The following RIMBP2 variants were observed in gnomAD, a reference collection of about 807,000 sequenced individuals.
RIMBP2 encodes RIMS binding protein 2.
RIMBP2 carries 48 observed loss-of-function variants against 118.6 expected under a neutral mutation model. The observed-to-expected ratio is 0.40, with a 90% confidence interval of 0.32 to 0.51. The LOEUF (loss-of-function observed/expected upper bound fraction) is 0.51, where lower values mean the gene tolerates loss of function less well. Among genes scored for constraint, RIMBP2 ranks in the 20% least tolerant of loss-of-function variants. RIMBP2 has a pLI of 0.41. For synonymous variants in RIMBP2, 762 were observed against 742.9 expected (o/e 1.03, Z -0.42); for missense variants, 1,551 against 1,768.3 (o/e 0.88, Z 2.20).
chr12:130,472,442 G>C (rs554530823), intron 5 of RIMBP2: 5 of 152,188 alleles, frequency 3.3e-5, no homozygotes, highest in Non-Finnish European at 7.3e-5. Flanking sequence ...AACATTCCCC[G>C]TGGAGCAGGA....
chr12:130,479,953 G>A (rs190412028), intron 4 of RIMBP2, among the ~76,000 whole-genome samples: 6 of 151,814 alleles, frequency 4.0e-5, no homozygotes, highest in Non-Finnish European at 8.8e-5. Context: ...TCACCACTGG[G>A]ACCCTGACAG....
rs536804065 is a variant in RIMBP2, at chr12:130,447,964, A to AC, written c.581+2235dup. On this transcript the variant is annotated intron_variant, in intron 9 of 22. Coordinates refer to ENST00000690449, the MANE Select transcript of RIMBP2 (RefSeq NM_001393629.1). This position sits in a 1 kb window ranked among gnomAD's most constrained non-coding sequence, Gnocchi z 4.4. ...GACAGCAAGAGGAGACACTGATTAG[A>AC]CCCGGGGCAGAAAACATAACCCCCT... Among the ~76,000 whole-genome samples the AC allele has an allele frequency of 2.0e-4, 30 of 151,652 alleles. No individual in the cohort carries two copies. The highest frequency in any genetic ancestry group is 7.0e-4 in the African/African-American group (29 of 41,320).
At chr12:130,632,329 C>T (rs1349248865) in intron 1 of RIMBP2, among the ~76,000 whole-genome samples, 1 of 152,100 alleles carries the variant, frequency 6.6e-6, no homozygotes, top group Non-Finnish European at 1.5e-5. Flanking sequence ...TCAGAGAAAT[C>T]ATTAAGAATA....
At chr12:130,597,178 A>G (rs1303225763) in intron 2 of RIMBP2, among the ~76,000 whole-genome samples, 1 of 152,264 alleles carries the variant, frequency 6.6e-6, no homozygotes, top group Non-Finnish European at 1.5e-5. Context: ...AAAAAAAATT[A>G]TAAACACAAT....
At chr12:130,444,546 T>C (rs533880520) in intron 10 of RIMBP2, among the ~76,000 whole-genome samples, 3 of 152,282 alleles carry the variant, frequency 2.0e-5, no homozygotes, top group East Asian at 3.9e-4. Context: ...CTTTAGAACG[T>C]TGATTTATGG....
chr12:130,450,327 C>T lies in RIMBP2; in HGVS notation c.505-51G>A, dbSNP rs1248441666. The T allele has an allele frequency of 2.1e-6, 3 of 1,399,978 alleles. No homozygotes were observed. Among genetic ancestry groups the T allele is most frequent in the East Asian group, 2.4e-5 (1 of 41,320 alleles). The allele number at this position is 1,399,978 out of a possible 1,614,324, so 86.7% of individuals were successfully genotyped here. On this transcript the variant is annotated intron_variant, in intron 8 of 22. Transcript: ENST00000690449. This position sits in a 1 kb window ranked among gnomAD's most constrained non-coding sequence, Gnocchi z 4.8. ...GGTTATTGAAGCTGGAGGTGTCCCA[C>T]CCCATTCCCGCGGCACACGGGAAAG... is the stretch of plus-strand genomic sequence containing the variant.
chr12:130,679,331 C>T (rs2064657255), intron 1 of RIMBP2, among the ~76,000 whole-genome samples: 2 of 152,220 alleles, frequency 1.3e-5, no homozygotes, highest in South Asian at 4.1e-4. Context: ...TGGCCCCATG[C>T]ATTTGTGTCT....
chr12:130,572,156 C>A (rs1050673364), intron 2 of RIMBP2, among the ~76,000 whole-genome samples: 1 of 152,204 alleles, frequency 6.6e-6, no homozygotes, highest in African/African-American at 2.4e-5. Context: ...ATGAGGAAGG[C>A]CGGGGATGAA....
At chr12:130,643,181 T>A (rs972735194) in intron 1 of RIMBP2, among the ~76,000 whole-genome samples, 2 of 151,998 alleles carry the variant, frequency 1.3e-5, no homozygotes, top group African/African-American at 4.8e-5. Context: ...CGGTGAGAGT[T>A]CCCCCCTGCA....
At chr12:130,695,023 G>T (rs1017123031) in intron 1 of RIMBP2, among the ~76,000 whole-genome samples, 9 of 152,202 alleles carry the variant, frequency 5.9e-5, no homozygotes, top group Non-Finnish European at 1.2e-4. Flanking sequence ...CTCCCATTAT[G>T]AACGCAAATG....
intron 20 of RIMBP2, 74 bp downstream of exon 20, chr12:130,407,652 C>T (rs1014362368): frequency 4.2e-6 from 5 of 1,191,128 alleles, no homozygotes; most frequent in East Asian, 2.3e-5. Flanking sequence ...CACACGTGGC[C>T]TCAGTGTGGT....
intron 6 of RIMBP2, 88 bp downstream of exon 6, chr12:130,470,605 A>G: frequency 1.4e-6 from 1 of 734,844 alleles, no homozygotes; most frequent in Non-Finnish European, 1.9e-6. Flanking sequence ...GCACTTCATA[A>G]ACATCATCTA....
chr12:130,439,240 G>A (rs2077814305), intron 11 of RIMBP2, among the ~76,000 whole-genome samples: 1 of 151,850 alleles, frequency 6.6e-6, no homozygotes, highest in South Asian at 2.1e-4. Context: ...AGATGTATAT[G>A]TATGTATGTA....
At chr12:130,474,661 G>A (rs533107720) in intron 5 of RIMBP2, among the ~76,000 whole-genome samples, 1 of 152,350 alleles carries the variant, frequency 6.6e-6, no homozygotes, top group Admixed American at 6.5e-5. Flanking sequence ...CTGGGGACCA[G>A]GCATTGTCGA....
intron 21 of RIMBP2, among the ~76,000 whole-genome samples, chr12:130,403,983 AAT>A (rs1290794099): frequency 6.6e-6 from 1 of 152,220 alleles, no homozygotes; most frequent in African/African-American, 2.4e-5. Context: ...TAACATGTAA[AAT>A]ATGAGTGGTA....
chr12:130,595,635 A>G (rs1339413043), intron 2 of RIMBP2, among the ~76,000 whole-genome samples: 2 of 152,070 alleles, frequency 1.3e-5, no homozygotes, highest in Non-Finnish European at 2.9e-5. Context: ...TGAATAATTA[A>G]CAGCTGTCAT....
chr12:130,608,526 G>A (rs2060320657), intron 2 of RIMBP2, among the ~76,000 whole-genome samples: 1 of 152,196 alleles, frequency 6.6e-6, no homozygotes. Flanking sequence ...CAGCTCCCCA[G>A]AGATGAAGAG....
At chr12:130,694,549 C>T (rs747676420) in intron 1 of RIMBP2, among the ~76,000 whole-genome samples, 6 of 152,170 alleles carry the variant, frequency 3.9e-5, no homozygotes, top group Non-Finnish European at 7.3e-5. Context: ...GGCCTCTCTA[C>T]GCTCCTGCCC....
intron 2 of RIMBP2, among the ~76,000 whole-genome samples, chr12:130,610,712 T>C (rs1051782386): frequency 2.6e-4 from 40 of 151,358 alleles, no homozygotes; most frequent in African/African-American, 5.1e-4. Context: ...AGGCGCCCGC[T>C]ACCACGCCCG....
Sources: allele counts gnomAD v4.1 joint callset (sites outside exome capture counted in the v4.1 genomes callset), GRCh38; gene constraint gnomAD v4.1.1; non-coding constraint Gnocchi (gnomAD v3.1); transcripts MANE v1.5; gene names NCBI Gene and HGNC (gene_info 2026-07-23, HGNC 2026-07-21).